SPATA16: variants seen among roughly 807,000 people sequenced by gnomAD.
SPATA16 encodes the protein spermatogenesis-associated protein 16.
A neutral mutation model predicts 63.3 loss-of-function variants in SPATA16; 36 were observed. That is an observed-to-expected ratio of 0.57 (90% confidence interval 0.44 to 0.75). SPATA16 has a LOEUF of 0.75. SPATA16 is among the 30% of genes least tolerant of loss of function. SPATA16 has a pLI of 0.00. For synonymous variants in SPATA16, 203 were observed against 216.7 expected (o/e 0.94, Z 0.56); for missense variants, 646 against 679.3 (o/e 0.95, Z 0.54).
At chr3:173,131,577 G>C (rs1166954211) in intron 1 of SPATA16, among the ~76,000 whole-genome samples, 1 of 152,148 alleles carries the variant, frequency 6.6e-6, no homozygotes, top group Non-Finnish European at 1.5e-5. Flanking sequence ...TTACCACTCA[G>C]AAAAGAAAGC....
chr3:173,136,770 G>T (rs1369442576), intron 1 of SPATA16, among the ~76,000 whole-genome samples: 2 of 152,102 alleles, frequency 1.3e-5, no homozygotes, highest in African/African-American at 4.8e-5. Flanking sequence ...ATGACCGCAG[G>T]CTCAGCCTTA....
At chr3:172,998,145 A>T (rs758116391) in intron 4 of SPATA16, among the ~76,000 whole-genome samples, 6 of 152,132 alleles carry the variant, frequency 3.9e-5, no homozygotes, top group Non-Finnish European at 7.4e-5. Flanking sequence ...ACATTCTGAC[A>T]GTTTTGAGTC....
At chr3:173,058,450 T>C (rs911804776) in intron 2 of SPATA16, among the ~76,000 whole-genome samples, 4 of 152,092 alleles carry the variant, frequency 2.6e-5, no homozygotes, top group African/African-American at 7.2e-5. Flanking sequence ...GAGTATACAA[T>C]TGAATCCAGA....
chr3:173,073,585 A>G (rs1736722388), intron 2 of SPATA16, among the ~76,000 whole-genome samples: 1 of 152,248 alleles, frequency 6.6e-6, no homozygotes, highest in Admixed American at 6.5e-5. Context: ...ACAGAAGTCA[A>G]GAATTGAGGT....
At chr3:173,018,122 C>T (rs537618930) in intron 4 of SPATA16, among the ~76,000 whole-genome samples, 1 of 152,182 alleles carries the variant, frequency 6.6e-6, no homozygotes, top group Non-Finnish European at 1.5e-5. Flanking sequence ...GATCTTCACA[C>T]AGATAAAAAG....
At chr3:173,077,877 G>T (rs1560115945) in intron 2 of SPATA16, among the ~76,000 whole-genome samples, 1 of 152,140 alleles carries the variant, frequency 6.6e-6, no homozygotes, top group Admixed American at 6.5e-5. Context: ...ATTTGCTACT[G>T]AGAGGCAGCC....
intron 1 of SPATA16, among the ~76,000 whole-genome samples, chr3:173,130,410 A>G (rs1263662895): frequency 1.3e-5 from 2 of 151,668 alleles, no homozygotes; most frequent in Non-Finnish European, 2.9e-5. Flanking sequence ...CAAACATCTC[A>G]TATAATACAG....
At chr3:172,898,537 G>C (rs1447074914) in intron 10 of SPATA16, among the ~76,000 whole-genome samples, 1 of 151,672 alleles carries the variant, frequency 6.6e-6, no homozygotes, top group African/African-American at 2.4e-5. Flanking sequence ...TCCTTTTACT[G>C]TCTGCAGCAT....
chr3:173,037,580 A>G (rs1735743387), intron 3 of SPATA16, among the ~76,000 whole-genome samples: 2 of 152,076 alleles, frequency 1.3e-5, no homozygotes, highest in Non-Finnish European at 2.9e-5. Flanking sequence ...TTGTAAAATT[A>G]TTTTGCCTAG....
At position 172,924,296 on chromosome 3, in the gene SPATA16, A is replaced by G; in HGVS notation, c.1250T>C (p.Leu417Pro). ...IFTEHKTPFG[L>P]TREDTVRQME... The stretch of plus-strand genomic sequence containing the variant: ...TTGCCTCACTGTATCTTCTCTGGTC[A>G]GACCGAAAGGTGTTTTATGCTCTAA... The change falls in exon 8 of 11, where the codon CTG becomes CCG. Residue 417 changes from leucine to proline, a missense_variant. Physicochemically the swap from Leu to Pro is moderately conservative, Grantham distance 98. Transcript: ENST00000351008. The G allele has an allele frequency of 2.5e-6, 4 of 1,613,232 alleles. No homozygotes were observed. Among genetic ancestry groups the G allele is most frequent in the Non-Finnish European group, 3.4e-6 (4 of 1,179,576 alleles).
chr3:172,892,803 G>A (rs1011646296), intron 10 of SPATA16, among the ~76,000 whole-genome samples: 3 of 152,184 alleles, frequency 2.0e-5, no homozygotes, highest in Non-Finnish European at 4.4e-5. Context: ...ACTCTCTTTG[G>A]TACAGAATCT....
chr3:173,055,279 A>G (rs9823941), intron 2 of SPATA16, among the ~76,000 whole-genome samples: 42,821 of 152,088 alleles, frequency 0.28, 6,548 homozygotes, highest in African/African-American at 0.4. Context: ...GCACTCCTGG[A>G]CACTTACTCC....
intron 3 of SPATA16, among the ~76,000 whole-genome samples, chr3:173,047,971 A>C (rs1363013601): frequency 7.9e-5 from 12 of 152,076 alleles, no homozygotes; most frequent in Non-Finnish European, 4.4e-5. Context: ...CTTGGGTAGA[A>C]ACAACTTTTA....
intron 8 of SPATA16, among the ~76,000 whole-genome samples, chr3:172,917,157 G>A (rs922485134): frequency 1.3e-5 from 2 of 152,180 alleles, no homozygotes; most frequent in African/African-American, 4.8e-5. Flanking sequence ...TTGTTAAGAT[G>A]GGGCGCATTT....
intron 2 of SPATA16, among the ~76,000 whole-genome samples, chr3:173,110,065 G>T (rs1574002): frequency 0.099 from 15,026 of 152,038 alleles, 943 homozygotes; most frequent in East Asian, 0.24. Context: ...AATTCATTTC[G>T]TATTTTCCTG....
intron 4 of SPATA16, among the ~76,000 whole-genome samples, chr3:173,004,448 A>G (rs536757682): frequency 1.3e-5 from 2 of 151,050 alleles, no homozygotes; most frequent in Admixed American, 6.6e-5. Flanking sequence ...AAAAAAAAAA[A>G]CACCACCACC....
intron 4 of SPATA16, among the ~76,000 whole-genome samples, chr3:173,009,718 T>C (rs1735020990): frequency 6.6e-6 from 1 of 152,212 alleles, no homozygotes; most frequent in South Asian, 2.1e-4. Flanking sequence ...CACCTGCCTG[T>C]GTTACTGGTC....
At chr3:173,080,855 C>T (rs1356099) in intron 2 of SPATA16, among the ~76,000 whole-genome samples, 34,670 of 152,002 alleles carry the variant, frequency 0.23, 4,422 homozygotes, top group African/African-American at 0.33. Flanking sequence ...CATACATATG[C>T]TTGATGTCCA....
intron 10 of SPATA16, among the ~76,000 whole-genome samples, chr3:172,904,856 G>A (rs114943388): frequency 1.8e-3 from 279 of 152,246 alleles, no homozygotes; most frequent in African/African-American, 6.4e-3. Flanking sequence ...CTCCCTTCCC[G>A]GGTCCGATTG....
Sources: gnomAD v4.1 joint callset for allele counts (sites outside exome capture counted in the v4.1 genomes callset) on GRCh38, gnomAD v4.1.1 for gene constraint, MANE v1.5 for transcripts, NCBI Gene and HGNC (gene_info 2026-07-23, HGNC 2026-07-21) for gene names.